The following AKAP6 variants were observed in gnomAD, a reference collection of about 807,000 sequenced individuals.
The protein encoded by AKAP6 is A-kinase anchor protein 6.
AKAP6 carries 58 observed loss-of-function variants against 188.5 expected under a neutral mutation model. The observed-to-expected ratio is 0.31, with a 90% CI of 0.25 to 0.38. The LOEUF (loss-of-function observed/expected upper bound fraction) is 0.38, where lower values mean the gene tolerates loss of function less well. Among genes scored for constraint, AKAP6 ranks in the 10% least tolerant of loss-of-function variants. AKAP6 has a pLI of 1.00. For missense variants in AKAP6, 2,710 were observed against 2,740.0 expected (o/e 0.99, Z 0.24); for synonymous variants, 989 against 998.6 (o/e 0.99, Z 0.18).
intron 1 of AKAP6, among the ~76,000 whole-genome samples, chr14:32,415,591 A>G (rs577580509): frequency 1.3e-5 from 2 of 152,282 alleles, no homozygotes; most frequent in South Asian, 4.1e-4. Context: ...GGTATTAACT[A>G]CATTCATCGT....
In AKAP6 at chr14:32,546,725, C is replaced by G. The variant is rs752059329; in HGVS notation, c.2072C>G (p.Thr691Arg). ...ACCTATCATGTCAAAAAGAAGCATA[C>G]AAGGCTAGGCAGGGTGTCTCCAAGC... ...YPTYHVKKKH[T>R]RLGRVSPSSS... The change falls in exon 4 of 14, where the codon ACA becomes AGA. Residue 691 changes from threonine (T) to arginine (R), a missense_variant. By Grantham distance (71) the Thr-to-Arg change is moderately conservative. Transcript: ENST00000280979. The G allele has an allele frequency of 6.2e-7, 1 of 1,614,086 alleles. No homozygotes were observed. The highest frequency in any genetic ancestry group is 8.5e-7 in the Non-Finnish European group (1 of 1,180,000).
rs116674739 is a variant in AKAP6 at position 32,509,773 on chromosome 14, C to T, written c.325-25781C>T. 9.4e-3 allele frequency among the ~76,000 whole-genome samples: 1,438 copies of T among 152,192 alleles called. 16 individuals are homozygous for T. Among genetic ancestry groups the T allele is most frequent in the African/African-American group, 0.033 (1,372 of 41,506 alleles). On this transcript the variant is annotated intron_variant, in intron 2 of 13. Coordinates refer to ENST00000280979, the MANE Select transcript of AKAP6 (RefSeq NM_004274.5). ...GGTGAAGCCAGCGTGGTCAGAACTC[C>T]CAGATTTGGTTTGGCTCCAAGGCAA...
At position 32,360,670 on chromosome 14, in the gene AKAP6, T is replaced by A. The variant is rs191952322; in HGVS notation, c.-35+31262T>A. On this transcript the variant is annotated intron_variant, in intron 1 of 13. Transcript: ENST00000280979. Reference sequence around the variant, plus strand: ...TATAATCCAATACTATGGTTATTTATTATTTAATACATTGCCCAGATTGTT... The same window carrying A: ...TATAATCCAATACTATGGTTATTTAATATTTAATACATTGCCCAGATTGTT... Among the ~76,000 whole-genome samples, 13 of 152,158 alleles carry A rather than the reference T, an allele frequency of 8.5e-5. 1 individual carries two copies. In the East Asian group the frequency reaches 2.5e-3, roughly 29 times the overall value.
chr14:32,730,976 C>G (rs973444155), intron 9 of AKAP6, among the ~76,000 whole-genome samples: 4 of 152,140 alleles, frequency 2.6e-5, no homozygotes, highest in Non-Finnish European at 5.9e-5. Context: ...CAGAATTTCT[C>G]CTGTATCACA....
rs373849209 is a variant in AKAP6 at position 32,607,911 on chromosome 14, T to C, written c.2730+7119T>C. On this transcript the variant is annotated intron_variant, in intron 7 of 13. Transcript: ENST00000280979. The stretch of plus-strand genomic sequence containing the variant: ...TGTGGATTTTTCAATAGCCCCTTTT[T>C]TTCGTTATCAGAAGGGCAACTTTTC... Among the ~76,000 whole-genome samples the C allele has an allele frequency of 4.6e-5, 7 of 152,326 alleles. No homozygotes were observed. In the East Asian group the frequency reaches 7.7e-4, roughly 17 times the overall value.
At chr14:32,499,181 G>T (rs113620270) in intron 2 of AKAP6, among the ~76,000 whole-genome samples, 1 of 152,028 alleles carries the variant, frequency 6.6e-6, no homozygotes, top group South Asian at 2.1e-4. Flanking sequence ...AAGCATCTTG[G>T]CTGTTAGCAA....
intron 1 of AKAP6, among the ~76,000 whole-genome samples, chr14:32,359,495 A>G (rs1185760875): frequency 6.6e-6 from 1 of 152,072 alleles, no homozygotes; most frequent in East Asian, 1.9e-4. Flanking sequence ...GACATCAGAC[A>G]TAATTATGGT....
intron 9 of AKAP6, among the ~76,000 whole-genome samples, chr14:32,719,178 A>G (rs1283007598): frequency 1.3e-5 from 2 of 152,154 alleles, no homozygotes; most frequent in East Asian, 1.9e-4. Flanking sequence ...AAAAGTCACA[A>G]TGTGAATACA....
chr14:32,374,203 A>C (rs112081876), intron 1 of AKAP6, among the ~76,000 whole-genome samples: 9 of 152,160 alleles, frequency 5.9e-5, no homozygotes, highest in African/African-American at 1.7e-4. Flanking sequence ...ATAGTCATCA[A>C]GGAGCAGCTA....
At chr14:32,598,365 C>G (rs1885789021) in intron 5 of AKAP6, among the ~76,000 whole-genome samples, 1 of 152,112 alleles carries the variant, frequency 6.6e-6, no homozygotes, top group Non-Finnish European at 1.5e-5. Flanking sequence ...AATTTTCACC[C>G]CCCAAATTAA....
Position 32,383,337 on chromosome 14 carries a change from G to A in AKAP6, c.-34-50123G>A, listed in dbSNP as rs1888430869. 2.0e-5 allele frequency among the ~76,000 whole-genome samples: 3 copies of A among 152,224 alleles called. No homozygotes were observed. In the South Asian group the frequency reaches 6.2e-4, roughly 32 times the overall value. On this transcript the variant is annotated intron_variant, in intron 1 of 13. Transcript: ENST00000280979. ...TTTTAATAGAAAACAAGACAGGACTGTACCTGTCATGACTGTACCATGTCA... is the reference window on the plus strand; with the variant it reads ...TTTTAATAGAAAACAAGACAGGACTATACCTGTCATGACTGTACCATGTCA...
chr14:32,577,906 T>A (rs1053207634), intron 5 of AKAP6, among the ~76,000 whole-genome samples: 8 of 152,128 alleles, frequency 5.3e-5, no homozygotes, highest in Non-Finnish European at 2.9e-5. Context: ...AAATGGCCGA[T>A]ATCAATTATG....
Position 32,824,934 on chromosome 14 carries a change from G to C in AKAP6, c.*42+119G>C, listed in dbSNP as rs896844857. ...TTACGGCAGACAGTTATCTGAATAA[G>C]ACATTTAGGTAGAAGAAATGCTCTC... On this transcript the variant is annotated intron_variant, in intron 13 of 13. Coordinates refer to ENST00000280979, the MANE Select transcript of AKAP6 (RefSeq NM_004274.5). 1.0e-5 allele frequency: 7 copies of C among 699,762 alleles called. No individual in the cohort carries two copies. In the East Asian group the frequency reaches 2.0e-4, roughly 20 times the overall value. The allele number at this position is 699,762 out of a possible 1,614,324, so 43.3% of individuals were successfully genotyped here. A position where few individuals can be genotyped will look rare whatever the true frequency, so the allele number is the denominator to read the frequency against.
At chr14:32,589,251 C>T (rs1449862164) in intron 5 of AKAP6, among the ~76,000 whole-genome samples, 1 of 152,208 alleles carries the variant, frequency 6.6e-6, no homozygotes, top group Non-Finnish European at 1.5e-5. Flanking sequence ...CTTACACGGG[C>T]TTTGAAGTCC....
chr14:32,596,190 C>G (rs1444973934), intron 5 of AKAP6, among the ~76,000 whole-genome samples: 2 of 152,156 alleles, frequency 1.3e-5, no homozygotes, highest in African/African-American at 4.8e-5. Flanking sequence ...ATCTTTCCCA[C>G]TTTTTCTTGT....
chr14:32,813,681 C>G (rs191273747), intron 12 of AKAP6, among the ~76,000 whole-genome samples: 5 of 152,224 alleles, frequency 3.3e-5, no homozygotes, highest in African/African-American at 1.2e-4. Flanking sequence ...CAAAATAGCA[C>G]TTATGTGGGC....
At chr14:32,727,573 A>G (rs1385015493) in intron 9 of AKAP6, among the ~76,000 whole-genome samples, 2 of 152,232 alleles carry the variant, frequency 1.3e-5, no homozygotes, top group African/African-American at 4.8e-5. Context: ...GGCCAGTGTA[A>G]TGTGATTTCC....
chr14:32,632,111 A>G (rs1274514057), intron 7 of AKAP6, among the ~76,000 whole-genome samples: 1 of 151,850 alleles, frequency 6.6e-6, no homozygotes, highest in East Asian at 1.9e-4. Context: ...GGAGGTTAGG[A>G]AGTGATGTTG....
chr14:32,571,348 AC>A (rs1364992312), intron 4 of AKAP6, among the ~76,000 whole-genome samples: 3 of 151,818 alleles, frequency 2.0e-5, no homozygotes, highest in Non-Finnish European at 2.9e-5. Context: ...ACACAGTGAG[AC>A]CCCCATCTCT....
Sources: allele counts gnomAD v4.1 joint callset (sites outside exome capture counted in the v4.1 genomes callset), GRCh38; gene constraint gnomAD v4.1.1; transcripts MANE v1.5; gene names NCBI Gene and HGNC (gene_info 2026-07-23, HGNC 2026-07-21).